DIP2C: variants seen among roughly 807,000 people sequenced by gnomAD.
DIP2C encodes the protein disco-interacting protein 2 homolog C.
Under a neutral mutation model 192.4 loss-of-function variants are expected in DIP2C, and 33 were observed. That is an observed-to-expected ratio of 0.17 (90% CI 0.13 to 0.23). The LOEUF (loss-of-function observed/expected upper bound fraction) is 0.23. Ranked by LOEUF, DIP2C falls within the 10% of genes least tolerant of loss-of-function variation. The pLI is 1.00. For synonymous variants in DIP2C, 979 were observed against 864.1 expected (o/e 1.13, Z -2.33); for missense variants, 1,537 against 2,110.1 (o/e 0.73, Z 5.32).
In DIP2C at chr10:286,460, G is replaced by A. The variant is rs943629302; in HGVS notation, c.4045-113C>T. The A allele has an allele frequency of 1.4e-5, 14 of 982,966 alleles. No individual in the cohort carries two copies. The Admixed American group carries it at 2.7e-4, about 19-fold the overall frequency. 60.9% of individuals were successfully genotyped at this position (982,966 alleles called of 1,614,324 possible). ...ATTTCCTTTCAAGACTGTTTAGAAA[G>A]CAATTAAATCAAAACTATATGCCAC... On this transcript the variant is annotated intron_variant, in intron 33 of 36. Transcript: ENST00000280886.
intron 32 of DIP2C, 72 bp downstream of exon 32, chr10:309,959 G>A: frequency 7.0e-7 from 1 of 1,421,380 alleles, no homozygotes; most frequent in Non-Finnish European, 9.9e-7. Flanking sequence ...CTTCTAGATG[G>A]AGACCTGCAT....
chr10:556,689 C>T (rs1396758221), intron 1 of DIP2C, among the ~76,000 whole-genome samples: 1 of 152,108 alleles, frequency 6.6e-6, no homozygotes, highest in African/African-American at 2.4e-5. Context: ...ACTTCCATTT[C>T]AGGATATTCT....
At chr10:432,304 T>C (rs1966866968) in intron 4 of DIP2C, among the ~76,000 whole-genome samples, 1 of 152,212 alleles carries the variant, frequency 6.6e-6, no homozygotes, top group South Asian at 2.1e-4. Flanking sequence ...AATTCACCAA[T>C]GAACCCAACT....
At position 647,943 on chromosome 10, in the gene DIP2C, C is replaced by G. The variant is rs1441126996; in HGVS notation, c.85+41551G>C. Among the ~76,000 whole-genome samples the G allele has an allele frequency of 3.6e-4, 37 of 101,956 alleles. 1 individual carries two copies. Among genetic ancestry groups the G allele is most frequent in the African/African-American group, 1.4e-3 (37 of 26,400 alleles). The allele number at this position is 101,956 out of a possible 152,430, so 66.9% of individuals were successfully genotyped here. A position where few individuals can be genotyped will look rare whatever the true frequency, so the allele number is the denominator to read the frequency against. ...CTGAATCCACGTCCACATTTGATGG[C>G]GGGAGAGAACAGAGGGAAACTGAGT... On this transcript the variant is annotated intron_variant, in intron 1 of 36. Transcript: ENST00000280886.
At chr10:412,423 G>A (rs1353400152) in intron 8 of DIP2C, among the ~76,000 whole-genome samples, 1 of 152,210 alleles carries the variant, frequency 6.6e-6, no homozygotes, top group East Asian at 1.9e-4. Context: ...GCTGAATTTG[G>A]CCGGAGATGA....
intron 1 of DIP2C, among the ~76,000 whole-genome samples, chr10:678,684 T>G (rs1310401892): frequency 1.4e-4 from 2 of 14,474 alleles, no homozygotes; most frequent in Non-Finnish European, 4.5e-4. Context: ...CCCACGCCCA[T>G]GCTCCCCACA....
chr10:460,213 T>C (rs1287031446), intron 3 of DIP2C, among the ~76,000 whole-genome samples: 1 of 152,212 alleles, frequency 6.6e-6, no homozygotes, highest in Admixed American at 6.5e-5. Flanking sequence ...AGTCTCCAGG[T>C]TTTCTTTTCC....
At position 327,188 on chromosome 10, in the gene DIP2C, G is replaced by GAC; in HGVS notation, c.3754-14_3754-13dup. ...TCCAGCCCTCGCGCCTGGAGATGAT[G>GAC]ACAGAGAAACCGAGTCAGCCCCCAC... On this transcript the variant is annotated splice_polypyrimidine_tract_variant and intron_variant, in intron 30 of 36. Transcript: ENST00000280886. 2 of 1,611,468 alleles carry GAC rather than the reference G, an allele frequency of 1.2e-6. No individual in the cohort carries two copies. Among genetic ancestry groups the GAC allele is most frequent in the Non-Finnish European group, 1.7e-6 (2 of 1,179,124 alleles).
At chr10:447,878 A>C (rs12779783) in intron 3 of DIP2C, among the ~76,000 whole-genome samples, 21 of 76,784 alleles carry the variant, frequency 2.7e-4, no homozygotes, top group Admixed American at 5.7e-4. Flanking sequence ...CCCATTAATA[A>C]TCAGGATCAC....
chr10:373,417 C>G (rs1289638473), intron 17 of DIP2C, among the ~76,000 whole-genome samples: 1 of 152,132 alleles, frequency 6.6e-6, no homozygotes, highest in Non-Finnish European at 1.5e-5. Flanking sequence ...TATACCAATA[C>G]ATTGATTTTT....
At chr10:348,360 C>T (rs61836777) in intron 26 of DIP2C, among the ~76,000 whole-genome samples, 42,266 of 152,126 alleles carry the variant, frequency 0.28, 7,306 homozygotes, top group Non-Finnish European at 0.39. Context: ...TGAGGAAGCC[C>T]GAGGAATGGT....
chr10:595,398 T>C (rs1851643390), intron 1 of DIP2C, among the ~76,000 whole-genome samples: 1 of 152,182 alleles, frequency 6.6e-6, no homozygotes, highest in South Asian at 2.1e-4. Context: ...GAATAAAATA[T>C]GACCACAACC....
chr10:286,437 T>C, intron 33 of DIP2C, 90 bp from the exon 34 acceptor site: 2 of 1,212,940 alleles, frequency 1.6e-6, no homozygotes, highest in Non-Finnish European at 1.2e-6. Context: ...TTTATGCCAT[T>C]TCCTTTCAAG....
At chr10:392,646 T>C (rs913346449) in intron 10 of DIP2C, among the ~76,000 whole-genome samples, 1 of 152,128 alleles carries the variant, frequency 6.6e-6, no homozygotes, top group Non-Finnish European at 1.5e-5. Context: ...CACTTAACCA[T>C]GTCTCACCCT....
intron 1 of DIP2C, among the ~76,000 whole-genome samples, chr10:653,264 C>T (rs996378053): frequency 2.6e-5 from 4 of 152,116 alleles, no homozygotes; most frequent in Non-Finnish European, 4.4e-5. Context: ...GCCTGGCCAA[C>T]ACAGTGAGAC....
intron 32 of DIP2C, among the ~76,000 whole-genome samples, chr10:290,955 T>G (rs867890055): frequency 1.8e-4 from 28 of 152,014 alleles, no homozygotes; most frequent in Middle Eastern, 6.8e-3. Flanking sequence ...GGTAAGGGGG[T>G]CACTCAGGAA....
At chr10:481,953 T>C (rs1329897926) in intron 2 of DIP2C, among the ~76,000 whole-genome samples, 2 of 152,208 alleles carry the variant, frequency 1.3e-5, no homozygotes, top group Non-Finnish European at 2.9e-5. Flanking sequence ...GTGATTTACA[T>C]ACTGCTGCTG....
Position 371,263 on chromosome 10 carries a change from C to T in DIP2C, c.1992-1630G>A, listed in dbSNP as rs182905163. 2.2e-3 allele frequency among the ~76,000 whole-genome samples: 333 copies of T among 152,282 alleles called. 1 individual carries two copies. Among genetic ancestry groups the T allele is most frequent in the African/African-American group, 7.4e-3 (306 of 41,554 alleles). ...CGTGGAAGTCAGGCACTGTGAGCTTCAGCATCTGCTGTGGGTTGAATCGTG... is the reference window on the plus strand; with the variant it reads ...CGTGGAAGTCAGGCACTGTGAGCTTTAGCATCTGCTGTGGGTTGAATCGTG... On this transcript the variant is annotated intron_variant, in intron 17 of 36. Coordinates refer to ENST00000280886, the MANE Select transcript of DIP2C (RefSeq NM_014974.3).
intron 1 of DIP2C, among the ~76,000 whole-genome samples, chr10:519,515 C>CT (rs377488266): frequency 1.1e-4 from 17 of 152,324 alleles, no homozygotes; most frequent in African/African-American, 3.6e-4. Flanking sequence ...TACATGGGAC[C>CT]TCCATCCTGG....
Sources: allele counts gnomAD v4.1 joint callset (sites outside exome capture counted in the v4.1 genomes callset), GRCh38; gene constraint gnomAD v4.1.1; transcripts MANE v1.5; gene names NCBI Gene and HGNC (gene_info 2026-07-23, HGNC 2026-07-21).